Variants in HEMK2 observed in about 807,000 individuals in gnomAD.
HEMK2 encodes methyltransferase HEMK2.
chr21:28,750,964 C>T, the HEMK2 span, among the ~76,000 whole-genome samples: 934 of 152,244 alleles, frequency 6.1e-3, 9 homozygotes, highest in African/African-American at 0.021. Flanking sequence ...GGTGCGGTGG[C>T]TCACGCCTGT....
chr21:28,870,376 C>T, the HEMK2 span, among the ~76,000 whole-genome samples: 28 of 152,134 alleles, frequency 1.8e-4, no homozygotes, highest in South Asian at 5.8e-3. Flanking sequence ...AGGGTTCACC[C>T]TCTGTTCAGT....
chr21:28,865,639 A>G, the HEMK2 span, among the ~76,000 whole-genome samples: 24 of 152,212 alleles, frequency 1.6e-4, no homozygotes, highest in African/African-American at 5.8e-4. Context: ...GGACCTAGCC[A>G]GACTGAGCTA....
chr21:28,812,622 G>A, the HEMK2 span, among the ~76,000 whole-genome samples: 1 of 152,186 alleles, frequency 6.6e-6, no homozygotes, highest in African/African-American at 2.4e-5. Context: ...TCTCTGCCAG[G>A]TTTTGGTATC....
the HEMK2 span, among the ~76,000 whole-genome samples, chr21:28,676,679 C>T: frequency 0.017 from 2,543 of 152,196 alleles, 73 homozygotes; most frequent in African/African-American, 0.057. Context: ...CTGGGTGGTA[C>T]CCAGGATTCA....
the HEMK2 span, among the ~76,000 whole-genome samples, chr21:28,689,209 G>C: frequency 0.55 from 83,572 of 152,040 alleles, 25,374 homozygotes; most frequent in East Asian, 0.84. Context: ...TTATGAACCT[G>C]AGCATCCACT....
At chr21:28,707,091 G>C in the HEMK2 span, among the ~76,000 whole-genome samples, 1 of 152,228 alleles carries the variant, frequency 6.6e-6, no homozygotes. Context: ...CATGTGGATT[G>C]TGTGTACTGA....
the HEMK2 span, among the ~76,000 whole-genome samples, chr21:28,727,854 T>C: frequency 1.3e-5 from 2 of 152,232 alleles, no homozygotes; most frequent in African/African-American, 2.4e-5. Context: ...TAAATTCTTC[T>C]GTTCCCAATT....
the HEMK2 span, among the ~76,000 whole-genome samples, chr21:28,868,528 C>A: frequency 3.3e-5 from 5 of 151,976 alleles, no homozygotes; most frequent in Admixed American, 3.3e-4. Context: ...ACTAAAAATA[C>A]AAAAAATTAG....
At chr21:28,845,381 C>T in the HEMK2 span, among the ~76,000 whole-genome samples, 11 of 151,982 alleles carry the variant, frequency 7.2e-5, no homozygotes, top group Admixed American at 7.2e-4. Flanking sequence ...CTCACTATTC[C>T]CCCTTTGCAT....
the HEMK2 span, among the ~76,000 whole-genome samples, chr21:28,686,750 T>A: frequency 6.6e-6 from 1 of 152,338 alleles, no homozygotes; most frequent in South Asian, 2.1e-4. Context: ...CACAGCACCA[T>A]GCAGTCAGAA....
chr21:28,633,217 G>A, the HEMK2 span, among the ~76,000 whole-genome samples: 2 of 152,184 alleles, frequency 1.3e-5, no homozygotes, highest in Non-Finnish European at 2.9e-5. Flanking sequence ...CTCTACAGAG[G>A]TTAGGAATGC....
the HEMK2 span, among the ~76,000 whole-genome samples, chr21:28,732,549 T>C: frequency 1.3e-5 from 2 of 152,272 alleles, no homozygotes; most frequent in African/African-American, 4.8e-5. Flanking sequence ...TTTCCCTCTC[T>C]GGGACGCAGT....
chr21:28,877,481 A>G, the HEMK2 span, among the ~76,000 whole-genome samples: 1 of 151,436 alleles, frequency 6.6e-6, no homozygotes, highest in Non-Finnish European at 1.5e-5. Context: ...AAGAGAAGAG[A>G]AAGAGAAAGA....
chr21:28,790,192 A>T, the HEMK2 span, among the ~76,000 whole-genome samples: 1 of 152,198 alleles, frequency 6.6e-6, no homozygotes, highest in Non-Finnish European at 1.5e-5. Context: ...AATCTTTTTG[A>T]ATTGTCAGTT....
At chr21:28,803,323 C>T in the HEMK2 span, among the ~76,000 whole-genome samples, 2 of 152,258 alleles carry the variant, frequency 1.3e-5, no homozygotes, top group South Asian at 4.1e-4. Context: ...TAACCATCTT[C>T]GATCACAAAT....
the HEMK2 span, among the ~76,000 whole-genome samples, chr21:28,602,214 T>C: frequency 1.3e-5 from 2 of 152,248 alleles, no homozygotes; most frequent in Admixed American, 1.3e-4. Context: ...CTGTGTTTTT[T>C]AAATTACTTT....
the HEMK2 span, among the ~76,000 whole-genome samples, chr21:28,607,569 C>T: frequency 8.8e-4 from 134 of 152,284 alleles, no homozygotes; most frequent in Non-Finnish European, 1.6e-3. Context: ...ATATATGACT[C>T]TACTCCTTCA....
At chr21:28,723,501 T>C in the HEMK2 span, among the ~76,000 whole-genome samples, 1 of 152,186 alleles carries the variant, frequency 6.6e-6, no homozygotes, top group East Asian at 1.9e-4. Flanking sequence ...CTGGGGATCT[T>C]GGCATATCAC....
At chr21:28,654,401 A>G in the HEMK2 span, among the ~76,000 whole-genome samples, 3 of 152,020 alleles carry the variant, frequency 2.0e-5, no homozygotes, top group Non-Finnish European at 4.4e-5. Context: ...TTAGTTACTC[A>G]CTTTGGAAGG....
Sources: allele counts gnomAD v4.1 joint callset (sites outside exome capture counted in the v4.1 genomes callset), GRCh38; gene constraint gnomAD v4.1.1; transcripts MANE v1.5; gene names NCBI Gene and HGNC (gene_info 2026-07-23, HGNC 2026-07-21).